The following GFPT2 variants were observed in gnomAD, a reference collection of about 807,000 sequenced individuals.
The protein encoded by GFPT2 is glutamine--fructose-6-phosphate transaminase 2.
In GFPT2, 62 loss-of-function variants were observed where a neutral mutation model predicts 85.6. The ratio of observed to expected loss-of-function variants is 0.72; its 90% CI spans 0.59 to 0.90. The LOEUF (loss-of-function observed/expected upper bound fraction) is 0.90. Ranked by LOEUF, GFPT2 falls within the 40% of genes least tolerant of loss-of-function variation. The pLI is 0.00. For synonymous variants in GFPT2, 368 were observed against 344.5 expected, an observed-to-expected ratio of 1.07 and a Z score of -0.75; for missense variants, 788 against 893.4, an observed-to-expected ratio of 0.88 and a Z score of 1.50.
At chr5:180,350,270 T>C (rs1764689049) in intron 1 of GFPT2, among the ~76,000 whole-genome samples, 1 of 152,214 alleles carries the variant, frequency 6.6e-6, no homozygotes, top group Non-Finnish European at 1.5e-5. Flanking sequence ...AGGTTGCTCA[T>C]CTTCAGATTT....
In GFPT2 at chr5:180,318,758, G is replaced by C. The variant is rs372581942; in HGVS notation, c.958+35C>G. 6.3e-7 allele frequency: 1 copy of C among 1,596,240 alleles called. No individual in the cohort carries two copies. The highest frequency in any genetic ancestry group is 8.6e-7 in the Non-Finnish European group (1 of 1,165,840). On this transcript the variant is annotated intron_variant, in intron 10 of 18. Coordinates refer to ENST00000253778, the MANE Select transcript of GFPT2 (RefSeq NM_005110.4). The surrounding 1 kb of genome is among the most constrained non-coding windows in gnomAD (Gnocchi z 4.2). ...AGCTCCACCAGGCGCGCTGGCTCCC[G>C]AGGCTGCCGCACGTGGACTCTGGAG...
chr5:180,342,593 A>G (rs146528679), intron 1 of GFPT2, among the ~76,000 whole-genome samples: 55 of 152,006 alleles, frequency 3.6e-4, no homozygotes, highest in African/African-American at 1.2e-3. Context: ...AACTTTTCAT[A>G]ACATTAACTC....
Position 180,343,474 on chromosome 5 carries a change from T to C in GFPT2, c.8-4874A>G, listed in dbSNP as rs377331949. Among the ~76,000 whole-genome samples, 8 of 152,108 alleles carry C rather than the reference T, an allele frequency of 5.3e-5. No individual in the cohort carries two copies. The East Asian group carries it at 5.8e-4, about 11-fold the overall frequency. ...TGCAGTGAGAAAAGCTGCCAAGGAGTGTGGTTTTCACCATCTTGGCGCAAG... is the reference window on the plus strand; with the variant it reads ...TGCAGTGAGAAAAGCTGCCAAGGAGCGTGGTTTTCACCATCTTGGCGCAAG... On this transcript the variant is annotated intron_variant, in intron 1 of 18. Transcript: ENST00000253778.
intron 10 of GFPT2, among the ~76,000 whole-genome samples, 188 bp from the exon 11 acceptor site, chr5:180,317,246 A>G (rs1764028437): frequency 6.6e-6 from 1 of 152,172 alleles, no homozygotes; most frequent in Non-Finnish European, 1.5e-5. Context: ...TCCAATTTAC[A>G]TATTGGACCC....
At chr5:180,334,734 C>T (rs899754440) in intron 4 of GFPT2, among the ~76,000 whole-genome samples, 4 of 152,164 alleles carry the variant, frequency 2.6e-5, no homozygotes, top group Non-Finnish European at 5.9e-5. Flanking sequence ...GTGACTGGAC[C>T]AGGCCTCACC....
Position 180,313,895 on chromosome 5 carries a change from G to GT in GFPT2, c.1342dup (p.Thr448AsnfsTer48). On this transcript the variant is annotated frameshift_variant, in exon 14 of 19. Transcript: ENST00000253778. LOFTEE classifies it high-confidence loss of function. ...AGAGATGGAGCTGCCCACGGTGTTG[G>GT]TGACGCCCACGGTGAGAGCGCCGCG... The GT allele has an allele frequency of 1.2e-6, 2 of 1,607,170 alleles. No individual in the cohort carries two copies. The highest frequency in any genetic ancestry group is 1.7e-6 in the Non-Finnish European group (2 of 1,179,452).
At chr5:180,334,640 T>TG (rs1246837485) in intron 4 of GFPT2, among the ~76,000 whole-genome samples, 2 of 152,196 alleles carry the variant, frequency 1.3e-5, no homozygotes, top group African/African-American at 2.4e-5. Flanking sequence ...TGTCTTGGGT[T>TG]GGGGGGTCCA....
Position 180,301,225 on chromosome 5 carries a change from A to T in GFPT2, c.*339T>A, listed in dbSNP as rs1463888786. 11 of 355,268 alleles carry T rather than the reference A, an allele frequency of 3.1e-5. No individual in the cohort carries two copies. The highest frequency in any genetic ancestry group is 5.1e-5 in the Non-Finnish European group (10 of 196,728). The allele number at this position is 355,268 out of a possible 1,614,324, so 22.0% of individuals were successfully genotyped here. ...TAAAAGCTATACAGTCGTCATTATA[A>T]ATATCTTGTCTTTTAAAACTAACTC... On this transcript the variant is annotated 3_prime_UTR_variant, in exon 19 of 19. Coordinates refer to ENST00000253778, the MANE Select transcript of GFPT2 (RefSeq NM_005110.4).
At chr5:180,342,408 T>G (rs1388871499) in intron 1 of GFPT2, among the ~76,000 whole-genome samples, 1 of 13,002 alleles carries the variant, frequency 7.7e-5, no homozygotes, top group African/African-American at 2.8e-4. Flanking sequence ...AGGTGAAATG[T>G]TTTTTTTTTT....
intron 17 of GFPT2, among the ~76,000 whole-genome samples, chr5:180,303,921 G>A (rs1763728813): frequency 6.6e-6 from 1 of 152,190 alleles, no homozygotes; most frequent in South Asian, 2.1e-4. Context: ...AGAAAGGCCA[G>A]CCACATGATT....
chr5:180,333,178 C>T (rs1764337022), intron 4 of GFPT2, among the ~76,000 whole-genome samples: 1 of 152,100 alleles, frequency 6.6e-6, no homozygotes, highest in South Asian at 2.1e-4. Flanking sequence ...TATTAACTGG[C>T]TCCACGTCCA....
At chr5:180,324,118 C>A (rs1764168029) in intron 9 of GFPT2, 70 bp downstream of exon 9, 2 of 860,638 alleles carry the variant, frequency 2.3e-6, no homozygotes, top group Non-Finnish European at 1.9e-6. Flanking sequence ...TGAATAAGAA[C>A]CGGCAGTGTT....
chr5:180,324,457 C>T, intron 8 of GFPT2, 152 bp from the exon 9 acceptor site: 1 of 605,258 alleles, frequency 1.7e-6, no homozygotes, highest in East Asian at 2.7e-5. Flanking sequence ...AAAGATCCCC[C>T]AATAGCACAG....
At chr5:180,324,763 G>C in intron 8 of GFPT2, 53 bp downstream of exon 8, 1 of 1,183,758 alleles carries the variant, frequency 8.4e-7, no homozygotes, top group Non-Finnish European at 1.3e-6. Flanking sequence ...AGCAGCTGCC[G>C]AGTCCTGCGA....
intron 9 of GFPT2, among the ~76,000 whole-genome samples, chr5:180,321,841 T>C (rs1240230851): frequency 5.3e-5 from 8 of 152,242 alleles, no homozygotes; most frequent in African/African-American, 1.9e-4. Context: ...TGGAGTGCAG[T>C]GGCGCGATCT....
intron 9 of GFPT2, among the ~76,000 whole-genome samples, chr5:180,321,173 A>C (rs977843617): frequency 6.6e-6 from 1 of 151,540 alleles, no homozygotes; most frequent in African/African-American, 2.4e-5. Flanking sequence ...AAAATTTTGT[A>C]TAGAAATATA....
chr5:180,342,101 C>A (rs549695863), intron 1 of GFPT2, among the ~76,000 whole-genome samples: 2 of 152,284 alleles, frequency 1.3e-5, no homozygotes, highest in East Asian at 3.9e-4. Flanking sequence ...CACACACTCT[C>A]TTCTCTTGTC....
intron 1 of GFPT2, among the ~76,000 whole-genome samples, chr5:180,343,616 T>C (rs1764559318): frequency 6.6e-6 from 1 of 152,236 alleles, no homozygotes; most frequent in African/African-American, 2.4e-5. Flanking sequence ...CTTGGCTGGA[T>C]CCTCCCTGCA....
chr5:180,315,118 T>G (rs965894544), intron 13 of GFPT2, among the ~76,000 whole-genome samples: 2 of 152,114 alleles, frequency 1.3e-5, no homozygotes, highest in African/African-American at 4.8e-5. Context: ...TAATAGATGA[T>G]AGGGCATTAC....
Sources: allele counts gnomAD v4.1 joint callset (sites outside exome capture counted in the v4.1 genomes callset), GRCh38; gene constraint gnomAD v4.1.1; non-coding constraint Gnocchi (gnomAD v3.1); transcripts MANE v1.5; gene names NCBI Gene and HGNC (gene_info 2026-07-23, HGNC 2026-07-21).